Variants in CARS2 observed in about 807,000 individuals in gnomAD.
CARS2 encodes the protein cysteinyl-tRNA synthetase 2, mitochondrial.
Under a neutral mutation model 68.8 loss-of-function variants are expected in CARS2, and 52 were observed. The ratio of observed to expected loss-of-function variants is 0.76; its 90% CI spans 0.61 to 0.95. The LOEUF is 0.95. Among genes scored for constraint, CARS2 ranks in the 40% least tolerant of loss-of-function variants. The pLI, the probability that CARS2 is intolerant of heterozygous loss-of-function variation, is 0.00. For synonymous variants in CARS2, 314 were observed against 303.6 expected (o/e 1.03, Z -0.36); for missense variants, 780 against 754.2 (o/e 1.03, Z -0.40).
At chr13:110,648,896 G>A (rs2062121055) in intron 10 of CARS2, 1 of 152,198 alleles carries the variant, frequency 6.6e-6, no homozygotes, top group South Asian at 2.1e-4. Context: ...AGGGAGGCGG[G>A]GCTTCCGAGG....
chr13:110,686,564 A>G (rs1300664144), intron 5 of CARS2, among the ~76,000 whole-genome samples: 2 of 149,434 alleles, frequency 1.3e-5, no homozygotes, highest in African/African-American at 4.9e-5. Flanking sequence ...TCACTTTTTT[A>G]TTTTTATTTT....
chr13:110,666,453 G>T, intron 8 of CARS2: 1 of 985,368 alleles, frequency 1.0e-6, no homozygotes, highest in East Asian at 1.1e-4. Context: ...GACATAGTAG[G>T]TAATGGTAGG....
At chr13:110,687,579 T>C (rs1358894327) in intron 5 of CARS2, 142 bp downstream of exon 5, 6 of 586,240 alleles carry the variant, frequency 1.0e-5, no homozygotes, top group Admixed American at 2.6e-5. Context: ...TTCAGGAGGC[T>C]GAGACGGGAG....
rs1258446331 is a variant in CARS2, at chr13:110,667,379, GAA to G, written c.878_879del (p.Phe293SerfsTer36). On this transcript the variant is annotated frameshift_variant, in exon 8 of 15. Coordinates refer to ENST00000257347, the MANE Select transcript of CARS2 (RefSeq NM_024537.4). LOFTEE classifies it high-confidence loss of function. ...TAATTTCCCCACTGCTCGCACTGAT[GAA>G]AGACTTCGCACTGTGCAATTTCGTT... Reference protein sequence around the residue: ...HENEIAQCEVFHQCEQWGNYF... With the variant: ...HENEIAQCEVXHQCEQWGNYF... The G allele has an allele frequency of 4.3e-6, 7 of 1,613,338 alleles. No homozygotes were observed. The highest frequency in any genetic ancestry group is 5.9e-6 in the Non-Finnish European group (7 of 1,179,590).
chr13:110,705,876 G>C lies in CARS2; in HGVS notation c.218C>G (p.Ala73Gly). The change falls in exon 1 of 15, where the codon GCC becomes GGC. Residue 73 changes from alanine to glycine, a missense_variant. By Grantham distance (60) the Ala-to-Gly change is moderately conservative. Coordinates refer to ENST00000257347, the MANE Select transcript of CARS2 (RefSeq NM_024537.4). This position sits in a 1 kb window ranked among gnomAD's most constrained non-coding sequence, Gnocchi z 4.0. ...CCAGTCCCGCGCGGCCCACCAGGAGGCGGCTTCGGCGTGCGCCACGATTAG... is the reference window on the plus strand; with the variant it reads ...CCAGTCCCGCGCGGCCCACCAGGAGCCGGCTTCGGCGTGCGCCACGATTAG... ...EPLIVAHAEA[A>G]SWYSCGPTVY... 6.4e-7 allele frequency: 1 copy of C among 1,560,342 alleles called. No individual in the cohort carries two copies. Among genetic ancestry groups the C allele is most frequent in the Non-Finnish European group, 8.7e-7 (1 of 1,155,284 alleles).
intron 3 of CARS2, among the ~76,000 whole-genome samples, chr13:110,690,460 C>G (rs1353368921): frequency 1.3e-5 from 2 of 152,206 alleles, no homozygotes; most frequent in African/African-American, 4.8e-5. Flanking sequence ...CCACACTCTG[C>G]TCTGTGCTGC....
upstream of CARS2, among the ~76,000 whole-genome samples, chr13:110,711,086 T>C (rs1326401587): frequency 1.3e-5 from 2 of 152,234 alleles, no homozygotes; most frequent in Admixed American, 1.3e-4. Flanking sequence ...TATTTCTTAC[T>C]ATTGTACTTT....
rs1219270196 is a variant in CARS2 at position 110,653,321 on chromosome 13, A to G, written c.988-2221T>C. 1.3e-5 allele frequency among the ~76,000 whole-genome samples: 2 copies of G among 152,050 alleles called. No individual in the cohort carries two copies. The highest frequency in any genetic ancestry group is 2.9e-5 in the Non-Finnish European group (2 of 68,016). On this transcript the variant is annotated intron_variant, in intron 9 of 14. Transcript: ENST00000257347. This position sits in a 1 kb window ranked among gnomAD's most constrained non-coding sequence, Gnocchi z 5.6. ...TCCATCTCCCGGGTGCTCCTTCCCAAATTGTGAAAAAAGGAATATTACTCC... is the reference window on the plus strand; with the variant it reads ...TCCATCTCCCGGGTGCTCCTTCCCAGATTGTGAAAAAAGGAATATTACTCC...
At chr13:110,661,873 C>A (rs1291969661) in intron 9 of CARS2, among the ~76,000 whole-genome samples, 1 of 152,226 alleles carries the variant, frequency 6.6e-6, no homozygotes, top group Non-Finnish European at 1.5e-5. Flanking sequence ...ATACTAAGTT[C>A]TGTCTTCCAT....
rs537657585 is a variant in CARS2, at chr13:110,696,974, C to T, written c.393+4464G>A. 3.9e-5 allele frequency among the ~76,000 whole-genome samples: 6 copies of T among 152,342 alleles called. No individual in the cohort carries two copies. The East Asian group carries it at 9.7e-4, about 25-fold the overall frequency. The stretch of plus-strand genomic sequence containing the variant: ...CTGTGTCCTCACCTCTCCTCCCATC[C>T]CCTGCGGGGCCCTTTCTCTGTCCCA... On this transcript the variant is annotated intron_variant, in intron 3 of 14. Coordinates refer to ENST00000257347, the MANE Select transcript of CARS2 (RefSeq NM_024537.4).
At chr13:110,644,639 T>A in intron 12 of CARS2, 156 bp from the exon 13 acceptor site, 1 of 1,302,612 alleles carries the variant, frequency 7.7e-7, no homozygotes, top group African/African-American at 1.5e-5. Flanking sequence ...TGGCATCGGC[T>A]ACCTCACTGC....
intron 6 of CARS2, among the ~76,000 whole-genome samples, chr13:110,682,279 T>C (rs994799832): frequency 6.6e-6 from 1 of 152,210 alleles, no homozygotes; most frequent in Admixed American, 6.5e-5. Flanking sequence ...CTCCTCCACA[T>C]GTGTAAGCAA....
chr13:110,708,384 A>T (rs549782120), upstream of CARS2, among the ~76,000 whole-genome samples: 12 of 152,252 alleles, frequency 7.9e-5, no homozygotes, highest in Non-Finnish European at 1.8e-4. Context: ...TCAAGGAAAT[A>T]ACTGGAGCAG....
upstream of CARS2, among the ~76,000 whole-genome samples, chr13:110,709,081 T>TC (rs2064005758): frequency 6.7e-6 from 1 of 148,374 alleles, no homozygotes. Context: ...TTCTCTTTTT[T>TC]CTTTTTTTTT....
At position 110,665,560 on chromosome 13, in the gene CARS2, T is replaced by C; in HGVS notation, c.919+1780A>G. ...GACGAAGCGTTGGCACAGCTAAGGC[T>C]GCCCTTCTTGCCCCCCAGCTCCACA... On this transcript the variant is annotated intron_variant, in intron 8 of 14. Coordinates refer to ENST00000257347, the MANE Select transcript of CARS2 (RefSeq NM_024537.4). The surrounding 1 kb of genome is among the most constrained non-coding windows in gnomAD (Gnocchi z 4.3). The C allele has an allele frequency of 1.0e-6, 1 of 985,518 alleles. No homozygotes were observed. Among genetic ancestry groups the C allele is most frequent in the African/African-American group, 1.7e-5 (1 of 57,356 alleles). 61.0% of individuals were successfully genotyped at this position (985,518 alleles called of 1,614,324 possible). A position where few individuals can be genotyped will look rare whatever the true frequency, so the allele number is the denominator to read the frequency against.
Position 110,705,899 on chromosome 13 carries a change from T to G in CARS2, c.195A>C (p.Leu65=). The G allele has an allele frequency of 6.4e-7, 1 of 1,573,636 alleles. No homozygotes were observed. The highest frequency in any genetic ancestry group is 1.2e-5 in the South Asian group (1 of 86,168). Residue 65 remains leucine (L), a synonymous_variant, in exon 1 of 15, where the codon CTA becomes CTC. Transcript: ENST00000257347. The surrounding 1 kb of genome is among the most constrained non-coding windows in gnomAD (Gnocchi z 4.0). ...YNSLTGRKEP[L]IVAHAEAASW... is the part of the protein sequence containing the mutation. ...AGGCGGCTTCGGCGTGCGCCACGAT[T>G]AGGGGTTCCTTCCTCCCGGTGAGGC... is the stretch of plus-strand genomic sequence containing the variant.
intron 9 of CARS2, among the ~76,000 whole-genome samples, chr13:110,658,604 A>G (rs151270274): frequency 3.2e-4 from 49 of 152,320 alleles, no homozygotes; most frequent in African/African-American, 1.2e-3. Flanking sequence ...TAAAAATAAA[A>G]GTATAAAACA....
chr13:110,701,461 T>C lies in CARS2; in HGVS notation c.370A>G (p.Lys124Glu). ...ACCTCATTGGCTCTTTTGATGATTTTATCATCTACATCTGTAATACCCATC... is the reference window on the plus strand; with the variant it reads ...ACCTCATTGGCTCTTTTGATGATTTCATCATCTACATCTGTAATACCCATC... ...MVMGITDVDD[K>E]IIKRANEMNI... is the part of the protein sequence containing the mutation. Residue 124 changes from lysine (K) to glutamate (E), a missense_variant, in exon 3 of 15, where the codon AAA becomes GAA. Transcript: ENST00000257347. 1 of 1,530,194 alleles carries C rather than the reference T, an allele frequency of 6.5e-7. No homozygotes were observed. Among genetic ancestry groups the C allele is most frequent in the East Asian group, 2.2e-5 (1 of 44,456 alleles). 94.8% of individuals were successfully genotyped at this position (1,530,194 alleles called of 1,614,324 possible).
At chr13:110,690,386 G>T (rs2063423283) in intron 3 of CARS2, among the ~76,000 whole-genome samples, 1 of 152,164 alleles carries the variant, frequency 6.6e-6, no homozygotes. Flanking sequence ...TTTCCCACAA[G>T]CATGAACGTG....
Sources: gnomAD v4.1 joint callset for allele counts (sites outside exome capture counted in the v4.1 genomes callset) on GRCh38, gnomAD v4.1.1 for gene constraint, Gnocchi (gnomAD v3.1) non-coding constraint, MANE v1.5 for transcripts, NCBI Gene and HGNC (gene_info 2026-07-23, HGNC 2026-07-21) for gene names.